PLEKHH2: variants seen among roughly 807,000 people sequenced by gnomAD.
The protein encoded by PLEKHH2 is pleckstrin homology, MyTH4 and FERM domain containing H2.
PLEKHH2 carries 129 observed loss-of-function variants against 187.9 expected under a neutral mutation model. The observed-to-expected ratio is 0.69, with a 90% CI of 0.59 to 0.79. PLEKHH2 has a LOEUF of 0.79. PLEKHH2 is among the 30% of genes least tolerant of loss of function. PLEKHH2 has a pLI of 0.00. For missense variants in PLEKHH2, 2,076 were observed against 1,751.2 expected, an observed-to-expected ratio of 1.19 and a Z score of -3.31; for synonymous variants, 686 against 605.6, an observed-to-expected ratio of 1.13 and a Z score of -1.95.
intron 17 of PLEKHH2, among the ~76,000 whole-genome samples, chr2:43,727,923 G>A (rs1387331827): frequency 6.6e-6 from 1 of 152,136 alleles, no homozygotes; most frequent in Non-Finnish European, 1.5e-5. Flanking sequence ...GGAATTTAAT[G>A]GCTAATGAAT....
chr2:43,692,575 G>T lies in PLEKHH2; in HGVS notation c.248G>T (p.Arg83Ile). The part of the protein sequence containing the change: ...ANIQTSESET[R>I]LYNKCQDLES... ...ATTCAAACCAGTGAATCAGAGACAA[G>T]ATTATATAATAAGTGTCAAGATCTG... The change falls in exon 4 of 30, where the codon AGA becomes ATA. Residue 83 changes from arginine (R) to isoleucine (I), a missense_variant. Physicochemically the swap from Arg to Ile is moderately conservative, Grantham distance 97 (BLOSUM62 -3). Coordinates refer to ENST00000282406, the MANE Select transcript of PLEKHH2 (RefSeq NM_172069.4). The T allele has an allele frequency of 1.2e-6, 2 of 1,602,736 alleles. No individual in the cohort carries two copies. Among genetic ancestry groups the T allele is most frequent in the South Asian group, 1.1e-5 (1 of 90,580 alleles).
At chr2:43,683,272 A>G (rs1668322208) in intron 3 of PLEKHH2, among the ~76,000 whole-genome samples, 1 of 149,260 alleles carries the variant, frequency 6.7e-6, no homozygotes, top group African/African-American at 2.5e-5. Flanking sequence ...CAGCCTCCCG[A>G]GTAGCTGGGA....
intron 18 of PLEKHH2, among the ~76,000 whole-genome samples, chr2:43,731,162 T>A (rs1671018874): frequency 6.6e-6 from 1 of 152,046 alleles, no homozygotes; most frequent in South Asian, 2.1e-4. Flanking sequence ...GCAAATCAGT[T>A]TCAGTATATA....
In PLEKHH2 at chr2:43,726,376, C is replaced by T; in HGVS notation, c.2646C>T (p.Ser882=). The change falls in exon 17 of 30, where the codon TCC becomes TCT. Residue 882 remains serine, a synonymous_variant. Transcript: ENST00000282406. ...DYEASGRSLL[S]THYTIVIHPK... is the part of the protein sequence containing the mutation. ...AAGCCAGTGGACGAAGTCTGTTATC[C>T]ACACATTATACTATCGTTATCCATC... 1 of 1,610,600 alleles carries T rather than the reference C, an allele frequency of 6.2e-7. No homozygotes were observed. Among genetic ancestry groups the T allele is most frequent in the Non-Finnish European group, 8.5e-7 (1 of 1,176,906 alleles).
chr2:43,730,056 C>T (rs1240749626), intron 18 of PLEKHH2, among the ~76,000 whole-genome samples: 1 of 152,102 alleles, frequency 6.6e-6, no homozygotes, highest in Non-Finnish European at 1.5e-5. Context: ...AGGAGATCCC[C>T]CAGCCAGCCC....
At chr2:43,723,534 G>A (rs967374981) in intron 16 of PLEKHH2, among the ~76,000 whole-genome samples, 38 of 152,088 alleles carry the variant, frequency 2.5e-4, no homozygotes, top group African/African-American at 4.8e-5. Context: ...CCCAGGCTTC[G>A]GCTTCCCATC....
intron 1 of PLEKHH2, among the ~76,000 whole-genome samples, chr2:43,641,194 A>AT (rs2104315916): frequency 6.6e-6 from 1 of 151,964 alleles, no homozygotes; most frequent in South Asian, 2.1e-4. Flanking sequence ...ATTTGCAACT[A>AT]TTTTTCCCAT....
chr2:43,719,018 A>G (rs1405728393), intron 15 of PLEKHH2, among the ~76,000 whole-genome samples: 4 of 152,220 alleles, frequency 2.6e-5, no homozygotes, highest in African/African-American at 9.6e-5. Context: ...CATAGTGAGG[A>G]CGGAAGCATT....
At chr2:43,720,571 A>G in intron 15 of PLEKHH2, 98 bp from the exon 16 acceptor site, 2 of 1,549,470 alleles carry the variant, frequency 1.3e-6, no homozygotes, top group Non-Finnish European at 1.7e-6. Context: ...ATCTGGGCAA[A>G]CTGGATGCCT....
At chr2:43,697,969 G>GA (rs1354834476) in intron 7 of PLEKHH2, among the ~76,000 whole-genome samples, 7 of 151,738 alleles carry the variant, frequency 4.6e-5, no homozygotes, top group African/African-American at 1.7e-4. Context: ...CAAAAAAAAA[G>GA]AAAAAATCCA....
intron 14 of PLEKHH2, 172 bp downstream of exon 14, chr2:43,710,747 T>C: frequency 3.6e-6 from 5 of 1,397,956 alleles, no homozygotes; most frequent in Non-Finnish European, 4.7e-6. Context: ...TGGTTAAAAC[T>C]ATAATGTAAG....
At chr2:43,646,312 T>G (rs2104332148) in intron 2 of PLEKHH2, among the ~76,000 whole-genome samples, 1 of 152,320 alleles carries the variant, frequency 6.6e-6, no homozygotes, top group South Asian at 2.1e-4. Context: ...CTATGATTTA[T>G]CCGGTATTTT....
chr2:43,719,451 T>C (rs1489103498), intron 15 of PLEKHH2, among the ~76,000 whole-genome samples: 1 of 152,196 alleles, frequency 6.6e-6, no homozygotes, highest in African/African-American at 2.4e-5. Context: ...CACTTCTTTT[T>C]TGTTTTTGAG....
Position 43,758,900 on chromosome 2 carries a change from G to T in PLEKHH2, c.3942G>T (p.Arg1314Ser). 3 of 1,564,858 alleles carry T rather than the reference G, an allele frequency of 1.9e-6. No individual in the cohort carries two copies. The highest frequency in any genetic ancestry group is 1.2e-5 in the South Asian group (1 of 83,636). ...TTTTTGTTCTTTTCTTTTTTTTTAG[G>T]CAGCTTTGCCAGCGACTTTCAACCA... is the stretch of plus-strand genomic sequence containing the variant. The part of the protein sequence containing the change: ...YRDGCSEEQL[R>S]QLCQRLSTRW... Residue 1314 changes from arginine to serine, a missense_variant and splice_region_variant, in exon 27 of 30, where the codon AGG (arginine) becomes AGT (serine). Coordinates refer to ENST00000282406, the MANE Select transcript of PLEKHH2 (RefSeq NM_172069.4).
chr2:43,638,931 G>C (rs910887542), intron 1 of PLEKHH2, among the ~76,000 whole-genome samples: 1 of 152,156 alleles, frequency 6.6e-6, no homozygotes, highest in African/African-American at 2.4e-5. Context: ...AGGGAATGTA[G>C]ATGTTAAATG....
chr2:43,659,619 C>G (rs6724633), intron 2 of PLEKHH2, among the ~76,000 whole-genome samples: 71,026 of 149,160 alleles, frequency 0.48, 17,390 homozygotes, highest in African/African-American at 0.53. Context: ...GTGCAGTGGT[C>G]AGATCTCAGC....
At chr2:43,685,266 C>G (rs978858844) in intron 3 of PLEKHH2, among the ~76,000 whole-genome samples, 1 of 152,218 alleles carries the variant, frequency 6.6e-6, no homozygotes, top group African/African-American at 2.4e-5. Context: ...CAGTGCAACT[C>G]TATAGTTTAG....
chr2:43,740,741 CACA>C (rs1671525641), intron 20 of PLEKHH2: 6 of 892,308 alleles, frequency 6.7e-6, no homozygotes, highest in Non-Finnish European at 7.2e-6. Flanking sequence ...TAACCATACA[CACA>C]ACTAGATGGA....
At chr2:43,752,832 G>C (rs926397819) in intron 24 of PLEKHH2, among the ~76,000 whole-genome samples, 1 of 152,070 alleles carries the variant, frequency 6.6e-6, no homozygotes, top group Non-Finnish European at 1.5e-5. Context: ...GACCCCCCTA[G>C]GCAGACAAAA....
Sources: gnomAD v4.1 joint callset for allele counts (sites outside exome capture counted in the v4.1 genomes callset) on GRCh38, gnomAD v4.1.1 for gene constraint, MANE v1.5 for transcripts, NCBI Gene and HGNC (gene_info 2026-07-23, HGNC 2026-07-21) for gene names.